Variants in SIM2 observed in about 807,000 individuals in gnomAD.
The protein encoded by SIM2 is single-minded homolog 2.
In SIM2, 28 loss-of-function variants were observed where a neutral mutation model predicts 64.8. The observed-to-expected ratio is 0.43, with a 90% CI of 0.32 to 0.59. SIM2 has a LOEUF of 0.59. SIM2 is among the 20% of genes least tolerant of loss of function. SIM2 has a pLI of 0.07. For synonymous variants in SIM2, 408 were observed against 391.1 expected, an observed-to-expected ratio of 1.04 and a Z score of -0.51; for missense variants, 847 against 871.4, an observed-to-expected ratio of 0.97 and a Z score of 0.35.
At chr21:36,711,287 G>T (rs139463144) in intron 2 of SIM2, among the ~76,000 whole-genome samples, 1 of 152,136 alleles carries the variant, frequency 6.6e-6, no homozygotes, top group Non-Finnish European at 1.5e-5. Flanking sequence ...TGCCAAATGC[G>T]CCAAGACATT....
intron 1 of SIM2, among the ~76,000 whole-genome samples, chr21:36,701,083 C>T (rs1170128285): frequency 6.6e-6 from 1 of 152,328 alleles, no homozygotes; most frequent in Admixed American, 6.5e-5. Context: ...CGGCCTGGCC[C>T]GAAGGATTTG....
intron 1 of SIM2, among the ~76,000 whole-genome samples, chr21:36,705,975 G>C (rs1358542662): frequency 1.3e-5 from 2 of 152,184 alleles, no homozygotes; most frequent in Admixed American, 6.5e-5. Flanking sequence ...GAAGCTGGCT[G>C]CCTCCTTTAC....
At chr21:36,738,221 TAGC>T (rs1357803956) in intron 7 of SIM2, among the ~76,000 whole-genome samples, 1 of 152,014 alleles carries the variant, frequency 6.6e-6, no homozygotes, top group Non-Finnish European at 1.5e-5. Flanking sequence ...TTGAAAGTAA[TAGC>T]AGCCAGATGC....
chr21:36,708,633 TGTAGGGG>T (rs2088624793), intron 1 of SIM2, among the ~76,000 whole-genome samples: 1 of 151,864 alleles, frequency 6.6e-6, no homozygotes, highest in South Asian at 2.1e-4. Flanking sequence ...AGGGGTAGCG[TGTAGGGG>T]GTTTTTTATG....
At chr21:36,704,142 C>T (rs1366825413) in intron 1 of SIM2, among the ~76,000 whole-genome samples, 3 of 152,228 alleles carry the variant, frequency 2.0e-5, no homozygotes, top group Non-Finnish European at 2.9e-5. Flanking sequence ...CTTCCAGTGC[C>T]TGGGTGCCTT....
intron 4 of SIM2, among the ~76,000 whole-genome samples, chr21:36,722,287 G>A (rs1043030561): frequency 4.6e-5 from 7 of 152,208 alleles, no homozygotes; most frequent in Non-Finnish European, 1.0e-4. Context: ...ACTGGGGCAG[G>A]GGGTGCCCTC....
At chr21:36,706,816 C>T (rs1476508854) in intron 1 of SIM2, among the ~76,000 whole-genome samples, 1 of 152,160 alleles carries the variant, frequency 6.6e-6, no homozygotes, top group Non-Finnish European at 1.5e-5. Flanking sequence ...GACGTTTGCA[C>T]CAAATCTCCG....
chr21:36,734,588 G>A (rs997155057), intron 7 of SIM2, among the ~76,000 whole-genome samples: 1 of 152,190 alleles, frequency 6.6e-6, no homozygotes, highest in Non-Finnish European at 1.5e-5. Context: ...AGTTTCCCCT[G>A]GCAGCTTTGA....
intron 7 of SIM2, among the ~76,000 whole-genome samples, chr21:36,732,746 G>A (rs1295510791): frequency 1.3e-5 from 2 of 152,174 alleles, no homozygotes; most frequent in African/African-American, 2.4e-5. Context: ...CTTAGTGTTC[G>A]GATGGAACTT....
In SIM2 at chr21:36,723,004, C is replaced by T. The variant is rs369366381; in HGVS notation, c.458-41C>T. The T allele has an allele frequency of 1.7e-4, 252 of 1,519,844 alleles. 2 individuals are homozygous for T. In the Middle Eastern group the frequency reaches 2.2e-3, roughly 13 times the overall value. 94.1% of individuals were successfully genotyped at this position (1,519,844 alleles called of 1,614,324 possible). A position where few individuals can be genotyped will look rare whatever the true frequency, so the allele number is the denominator to read the frequency against. ...GGTTGGAATAAGGATGGGGGAAGCA[C>T]GGAGGGACAGCTGCCAACCTCATCT... On this transcript the variant is annotated intron_variant, in intron 4 of 10. Coordinates refer to ENST00000290399, the MANE Select transcript of SIM2 (RefSeq NM_005069.6).
intron 7 of SIM2, among the ~76,000 whole-genome samples, chr21:36,736,577 C>T (rs1754343875): frequency 6.6e-6 from 1 of 152,130 alleles, no homozygotes; most frequent in South Asian, 2.1e-4. Flanking sequence ...TTGGGGAGCA[C>T]AGGTTTGCAG....
At chr21:36,723,261 C>T (rs142307289) in intron 5 of SIM2, 131 bp downstream of exon 5, 5 of 716,306 alleles carry the variant, frequency 7.0e-6, no homozygotes, top group East Asian at 2.5e-5. Context: ...TCTCCAGCAA[C>T]GTGGTGCACA....
At position 36,728,044 on chromosome 21, in the gene SIM2, C is replaced by T. The variant is rs371381351; in HGVS notation, c.743+1726C>T. 7.4e-4 allele frequency among the ~76,000 whole-genome samples: 112 copies of T among 152,228 alleles called. No homozygotes were observed. The Middle Eastern group carries it at 0.017, about 23-fold the overall frequency. ...GGAAAGCTGCCAGCACCTCTGGGGACGGCCAAGAGCGACAAATGCCATTTT... is the reference window on the plus strand; with the variant it reads ...GGAAAGCTGCCAGCACCTCTGGGGATGGCCAAGAGCGACAAATGCCATTTT... On this transcript the variant is annotated intron_variant, in intron 6 of 10. Coordinates refer to ENST00000290399, the MANE Select transcript of SIM2 (RefSeq NM_005069.6).
intron 7 of SIM2, among the ~76,000 whole-genome samples, chr21:36,732,190 T>C (rs1288037518): frequency 1.3e-5 from 2 of 152,160 alleles, no homozygotes; most frequent in African/African-American, 4.8e-5. Flanking sequence ...GCCACACACT[T>C]TCAGAATCCA....
At chr21:36,714,172 T>C (rs1316559249) in intron 3 of SIM2, among the ~76,000 whole-genome samples, 1 of 152,242 alleles carries the variant, frequency 6.6e-6, no homozygotes, top group Non-Finnish European at 1.5e-5. Flanking sequence ...TGCAGGGCCC[T>C]TAAGTTGTAC....
intron 7 of SIM2, among the ~76,000 whole-genome samples, chr21:36,737,128 T>C (rs528232647): frequency 1.3e-5 from 2 of 152,148 alleles, no homozygotes; most frequent in African/African-American, 2.4e-5. Flanking sequence ...GGGGTCTTGC[T>C]ATGTTGCCCA....
At chr21:36,733,588 C>G (rs775243417) in intron 7 of SIM2, among the ~76,000 whole-genome samples, 14 of 142,282 alleles carry the variant, frequency 9.8e-5, no homozygotes, top group Non-Finnish European at 2.0e-4. Flanking sequence ...CAGACAGAGT[C>G]TTGCTCTGTC....
At chr21:36,727,959 T>C (rs2088914712) in intron 6 of SIM2, among the ~76,000 whole-genome samples, 1 of 152,030 alleles carries the variant, frequency 6.6e-6, no homozygotes, top group Non-Finnish European at 1.5e-5. Flanking sequence ...AGGGTGAGTG[T>C]GTCAGGGTCA....
Position 36,745,382 on chromosome 21 carries a change from G to T in SIM2, c.1576+246G>T. The T allele has an allele frequency of 1.4e-6, 2 of 1,381,444 alleles. No individual in the cohort carries two copies. Among genetic ancestry groups the T allele is most frequent in the Non-Finnish European group, 1.9e-6 (2 of 1,057,382 alleles). The allele number at this position is 1,381,444 out of a possible 1,614,324, so 85.6% of individuals were successfully genotyped here. The stretch of plus-strand genomic sequence containing the variant: ...ACAGTATAAAGGGCAAAGGAAAACC[G>T]AGTATCTGGCCTTCACGTAAATCCT... On this transcript the variant is annotated intron_variant, in intron 10 of 10. Coordinates refer to ENST00000290399, the MANE Select transcript of SIM2 (RefSeq NM_005069.6). The surrounding 1 kb of genome is among the most constrained non-coding windows in gnomAD (Gnocchi z 4.8).
Sources: allele counts gnomAD v4.1 joint callset (sites outside exome capture counted in the v4.1 genomes callset), GRCh38; gene constraint gnomAD v4.1.1; non-coding constraint Gnocchi (gnomAD v3.1); transcripts MANE v1.5; gene names NCBI Gene and HGNC (gene_info 2026-07-23, HGNC 2026-07-21).